Variants in SLC28A1 observed in about 807,000 individuals in gnomAD.
SLC28A1 encodes solute carrier family 28 member 1.
In SLC28A1, 64 loss-of-function variants were observed where a neutral mutation model predicts 74.8. The ratio of observed to expected loss-of-function variants is 0.86; its 90% CI spans 0.70 to 1.05. The LOEUF is 1.05. Among genes scored for constraint, SLC28A1 ranks in the 50% least tolerant of loss-of-function variants. The pLI is 0.00. For missense variants in SLC28A1, 828 were observed against 822.8 expected, an observed-to-expected ratio of 1.01 and a Z score of -0.08; for synonymous variants, 359 against 335.0, an observed-to-expected ratio of 1.07 and a Z score of -0.78.
chr15:84,895,485 C>A (rs367854769), intron 6 of SLC28A1: 9 of 1,605,948 alleles, frequency 5.6e-6, no homozygotes, highest in Non-Finnish European at 6.8e-6. Context: ...GGGGATTCAG[C>A]AGGCTCGATC....
Position 84,890,497 on chromosome 15 carries a change from G to T in SLC28A1, c.240G>T (p.Gln80His). 6.2e-7 allele frequency: 1 copy of T among 1,611,402 alleles called. No homozygotes were observed. The change falls in exon 5 of 19, where the codon CAG (glutamine) becomes CAT (histidine). Residue 80 changes from glutamine (Q) to histidine (H), a missense_variant. Physicochemically the swap from Gln to His is conservative, Grantham distance 24 (BLOSUM62 0). Transcript: ENST00000394573. Reference protein sequence around the residue: ...RARSFCREHMQLFRWIGTGLL... With the variant: ...RARSFCREHMHLFRWIGTGLL... ...GAAGCTTCTGCAGGGAGCACATGCA[G>T]CTGTTTCGATGGATCGGCACAGGCC...
intron 12 of SLC28A1, among the ~76,000 whole-genome samples, chr15:84,929,546 A>C (rs1011181385): frequency 3.5e-4 from 1 of 2,846 alleles, no homozygotes; most frequent in Non-Finnish European, 5.8e-4. Context: ...TCTGTTTCAA[A>C]AAAAAAAAAA....
intron 10 of SLC28A1, 42 bp downstream of exon 10, chr15:84,918,646 C>T: frequency 6.9e-7 from 1 of 1,456,824 alleles, no homozygotes; most frequent in Non-Finnish European, 9.6e-7. Flanking sequence ...CCCAGAGTCA[C>T]CAGCTCACAG....
At chr15:84,957,259 G>GTTTGT in the SLC28A1 span, among the ~76,000 whole-genome samples, 6 of 151,896 alleles carry the variant, frequency 4.0e-5, no homozygotes, top group East Asian at 1.9e-4. Flanking sequence ...TTTTTTGTTT[G>GTTTGT]TTTGTTTTGT....
chr15:84,919,641 T>C (rs1596306409), intron 10 of SLC28A1, among the ~76,000 whole-genome samples: 1 of 152,198 alleles, frequency 6.6e-6, no homozygotes, highest in Middle Eastern at 3.4e-3. Flanking sequence ...GCCAAACTTA[T>C]CCTTTTTATC....
downstream of SLC28A1, among the ~76,000 whole-genome samples, chr15:84,950,328 G>A (rs1259521028): frequency 6.7e-6 from 1 of 149,540 alleles, no homozygotes; most frequent in Non-Finnish European, 1.5e-5. Context: ...CGTGTAGAAA[G>A]ACAGCTGGCT....
chr15:84,889,725 C>CTTCT (rs1567114075), intron 4 of SLC28A1, among the ~76,000 whole-genome samples: 4 of 48,446 alleles, frequency 8.3e-5, no homozygotes, highest in Admixed American at 2.7e-4. Context: ...TCCTTCCTTC[C>CTTCT]TTCCTTCCTT....
chr15:84,892,049 G>A (rs1170396492), intron 5 of SLC28A1, among the ~76,000 whole-genome samples: 2 of 152,084 alleles, frequency 1.3e-5, no homozygotes, highest in African/African-American at 4.8e-5. Context: ...GAATTAAAGA[G>A]GGGCCAGGCA....
intron 6 of SLC28A1, among the ~76,000 whole-genome samples, chr15:84,901,070 A>G (rs1966637905): frequency 6.6e-6 from 1 of 152,088 alleles, no homozygotes; most frequent in Non-Finnish European, 1.5e-5. Flanking sequence ...AAAAATACAA[A>G]AATTAGCTGG....
the SLC28A1 span, among the ~76,000 whole-genome samples, chr15:84,960,817 C>G: frequency 1.3e-5 from 2 of 152,142 alleles, no homozygotes; most frequent in Non-Finnish European, 2.9e-5. Flanking sequence ...TGTTGCTGCT[C>G]TCACTCTCTT....
At chr15:84,940,828 A>G in intron 15 of SLC28A1, 1 of 197,318 alleles carries the variant, frequency 5.1e-6, no homozygotes, top group Non-Finnish European at 1.1e-5. Flanking sequence ...TAGAACAAGA[A>G]GAGGCCAAAG....
chr15:84,892,178 C>G (rs759230145), intron 5 of SLC28A1, among the ~76,000 whole-genome samples: 1 of 151,700 alleles, frequency 6.6e-6, no homozygotes, highest in African/African-American at 2.4e-5. Flanking sequence ...AGCAAGACCC[C>G]ACCTCTACAA....
intron 12 of SLC28A1, chr15:84,926,598 A>G (rs1226427298): frequency 2.2e-6 from 1 of 452,846 alleles, no homozygotes; most frequent in Non-Finnish European, 4.4e-6. Flanking sequence ...CAAAATTCCA[A>G]CATTTGCAAA....
At chr15:84,912,770 T>C (rs891988018) in intron 9 of SLC28A1, among the ~76,000 whole-genome samples, 4 of 147,898 alleles carry the variant, frequency 2.7e-5, no homozygotes, top group African/African-American at 1.0e-4. Flanking sequence ...GACTCTGCAG[T>C]CCCCAGTGGT....
At chr15:84,898,142 T>C (rs1276353218) in intron 6 of SLC28A1, among the ~76,000 whole-genome samples, 1 of 147,012 alleles carries the variant, frequency 6.8e-6, no homozygotes, top group East Asian at 2.0e-4. Context: ...TTTTTTTTTT[T>C]CATATATACC....
intron 15 of SLC28A1, among the ~76,000 whole-genome samples, chr15:84,942,299 CTTAG>C (rs1486529383): frequency 6.6e-6 from 1 of 152,160 alleles, no homozygotes; most frequent in Non-Finnish European, 1.5e-5. Context: ...CAATTATACT[CTTAG>C]TTATTTTTAA....
the SLC28A1 span, among the ~76,000 whole-genome samples, chr15:84,972,939 C>T: frequency 6.6e-6 from 1 of 152,190 alleles, no homozygotes; most frequent in African/African-American, 2.4e-5. Context: ...GGACTCCTCC[C>T]AGGAGCCTCC....
chr15:84,895,572 T>C (rs1343970695), intron 6 of SLC28A1: 13 of 1,527,772 alleles, frequency 8.5e-6, no homozygotes, highest in Non-Finnish European at 9.7e-6. Flanking sequence ...GACAACAGTT[T>C]GAGATCTGCT....
chr15:84,921,176 A>G, intron 11 of SLC28A1, 107 bp downstream of exon 11: 1 of 854,646 alleles, frequency 1.2e-6, no homozygotes, highest in South Asian at 1.4e-5. Flanking sequence ...GAGCCATTTG[A>G]ACCTTCTCCC....
Sources: allele counts gnomAD v4.1 joint callset (sites outside exome capture counted in the v4.1 genomes callset), GRCh38; gene constraint gnomAD v4.1.1; transcripts MANE v1.5; gene names NCBI Gene and HGNC (gene_info 2026-07-23, HGNC 2026-07-21).